STPG2: variants seen among roughly 807,000 people sequenced by gnomAD.
STPG2 encodes the protein sperm tail PG-rich repeat containing 2, also known as sperm-tail PG-rich repeat-containing protein 2.
In STPG2, 56 loss-of-function variants were observed where a neutral mutation model predicts 54.2. The observed-to-expected ratio is 1.03, with a 90% CI of 0.83 to 1.29. The LOEUF (loss-of-function observed/expected upper bound fraction) is 1.29. STPG2 is among the 50% of genes most tolerant of loss of function. STPG2 has a pLI of 0.00. For synonymous variants in STPG2, 200 were observed against 181.8 expected (o/e 1.10, Z -0.81); for missense variants, 596 against 544.9 (o/e 1.09, Z -0.93).
chr4:97,676,221 G>A (rs750166930), intron 10 of STPG2, among the ~76,000 whole-genome samples: 5 of 151,188 alleles, frequency 3.3e-5, no homozygotes, highest in Non-Finnish European at 5.9e-5. Flanking sequence ...CATGTCAAAC[G>A]ACAGCTATGA....
At chr4:97,803,718 T>C (rs185622148) in intron 9 of STPG2, among the ~76,000 whole-genome samples, 18 of 152,292 alleles carry the variant, frequency 1.2e-4, no homozygotes, top group Non-Finnish European at 2.5e-4. Flanking sequence ...TTTTTGTATT[T>C]TTAGTAGAGA....
At chr4:98,043,408 C>T (rs1737025660) in intron 5 of STPG2, among the ~76,000 whole-genome samples, 2 of 151,826 alleles carry the variant, frequency 1.3e-5, no homozygotes, top group African/African-American at 4.8e-5. Flanking sequence ...TCTTTTGTCC[C>T]TCTTTTTCTC....
chr4:98,063,209 G>A (rs1737716992), intron 5 of STPG2, among the ~76,000 whole-genome samples: 1 of 152,090 alleles, frequency 6.6e-6, no homozygotes, highest in Admixed American at 6.5e-5. Flanking sequence ...CCAGCACTTT[G>A]GGAGACCTAG....
At chr4:97,794,432 C>T (rs1727102594) in intron 9 of STPG2, among the ~76,000 whole-genome samples, 1 of 152,102 alleles carries the variant, frequency 6.6e-6, no homozygotes, top group Non-Finnish European at 1.5e-5. Flanking sequence ...CAATTTTTAT[C>T]ACTTGAAATC....
intron 8 of STPG2, among the ~76,000 whole-genome samples, chr4:97,903,038 TAGA>T (rs1378772257): frequency 6.6e-5 from 10 of 151,830 alleles, no homozygotes; most frequent in African/African-American, 1.9e-4. Context: ...AGAAACAGAG[TAGA>T]AGGATGGTTA....
chr4:98,099,422 G>A (rs558725578), intron 5 of STPG2, among the ~76,000 whole-genome samples: 98 of 152,210 alleles, frequency 6.4e-4, no homozygotes, highest in Non-Finnish European at 1.2e-3. Flanking sequence ...CAAAGCAACT[G>A]AACTCACATA....
chr4:97,472,438 G>A (rs747446670), intron 4 of STPG2, among the ~76,000 whole-genome samples: 4 of 152,146 alleles, frequency 2.6e-5, no homozygotes, highest in African/African-American at 4.8e-5. Flanking sequence ...AGGGGAAAAG[G>A]AGCCATTTTG....
At chr4:97,702,278 G>C (rs1723801964) in intron 10 of STPG2, among the ~76,000 whole-genome samples, 1 of 152,120 alleles carries the variant, frequency 6.6e-6, no homozygotes, top group African/African-American at 2.4e-5. Context: ...TCCCCACTTA[G>C]TGGGCCCAAA....
chr4:97,472,858 A>T (rs549214353), intron 4 of STPG2, among the ~76,000 whole-genome samples: 1 of 152,226 alleles, frequency 6.6e-6, no homozygotes, highest in African/African-American at 2.4e-5. Flanking sequence ...ATGGAGGAAC[A>T]GGCTGAAGCC....
chr4:98,137,794 A>T (rs2110170994), intron 1 of STPG2, among the ~76,000 whole-genome samples: 1 of 152,034 alleles, frequency 6.6e-6, no homozygotes, highest in Middle Eastern at 3.4e-3. Context: ...ATGGTAGAGT[A>T]TACATATATA....
chr4:97,681,173 T>C (rs1723022409), intron 10 of STPG2, among the ~76,000 whole-genome samples: 1 of 151,904 alleles, frequency 6.6e-6, no homozygotes, highest in Non-Finnish European at 1.5e-5. Context: ...TGATGAAAAT[T>C]TTTTTAAAAG....
chr4:98,112,383 G>A (rs1739388746), intron 3 of STPG2, among the ~76,000 whole-genome samples: 1 of 152,202 alleles, frequency 6.6e-6, no homozygotes, highest in African/African-American at 2.4e-5. Flanking sequence ...TAGCTTAGGT[G>A]TGTCATAGAC....
At chr4:97,656,718 T>C (rs916438223) in intron 10 of STPG2, among the ~76,000 whole-genome samples, 2 of 150,964 alleles carry the variant, frequency 1.3e-5, no homozygotes, top group African/African-American at 4.9e-5. Flanking sequence ...GGACATCGAA[T>C]ACTAGTATTG....
chr4:97,906,969 C>T (rs1040776758), intron 8 of STPG2, among the ~76,000 whole-genome samples: 1 of 149,840 alleles, frequency 6.7e-6, no homozygotes, highest in Non-Finnish European at 1.5e-5. Context: ...GACAGGGATG[C>T]CCTCTCTCAC....
At chr4:97,458,974 T>C (rs1729592541) in intron 4 of STPG2, among the ~76,000 whole-genome samples, 2 of 152,148 alleles carry the variant, frequency 1.3e-5, no homozygotes, top group African/African-American at 4.8e-5. Flanking sequence ...TAATAATATG[T>C]AACAATAAAA....
At chr4:97,906,517 C>G (rs1050445678) in intron 8 of STPG2, among the ~76,000 whole-genome samples, 17 of 152,186 alleles carry the variant, frequency 1.1e-4, no homozygotes, top group Non-Finnish European at 2.5e-4. Context: ...CTCATTTTAT[C>G]AGGCCAGTAT....
chr4:97,740,901 G>A (rs568936616), intron 9 of STPG2, among the ~76,000 whole-genome samples: 17 of 152,128 alleles, frequency 1.1e-4, no homozygotes, highest in East Asian at 3.9e-4. Context: ...AGCCCGCATC[G>A]CCAAGTCAAT....
intron 5 of STPG2, among the ~76,000 whole-genome samples, chr4:98,001,277 T>C (rs528113609): frequency 7.2e-5 from 11 of 152,022 alleles, no homozygotes; most frequent in African/African-American, 2.4e-4. Flanking sequence ...AGGAAATCTA[T>C]ACAAATAGCT....
intron 4 of STPG2, among the ~76,000 whole-genome samples, chr4:97,477,725 C>T (rs1261287027): frequency 1.3e-5 from 2 of 151,562 alleles, no homozygotes; most frequent in African/African-American, 2.4e-5. Flanking sequence ...CTCCTGACCT[C>T]GTGATCTGCC....
Sources: allele counts gnomAD v4.1 joint callset (sites outside exome capture counted in the v4.1 genomes callset), GRCh38; gene constraint gnomAD v4.1.1; transcripts MANE v1.5; gene names NCBI Gene and HGNC (gene_info 2026-07-23, HGNC 2026-07-21).